The following BRINP3 variants were observed in gnomAD, a reference collection of about 807,000 sequenced individuals.
BRINP3 encodes BMP/retinoic acid-inducible neural-specific protein 3.
A neutral mutation model predicts 71.0 loss-of-function variants in BRINP3; 19 were observed. The observed-to-expected ratio is 0.27, with a 90% CI of 0.19 to 0.39. The LOEUF is 0.39. Ranked by LOEUF, BRINP3 falls within the 10% of genes least tolerant of loss-of-function variation. The pLI, the probability that BRINP3 is intolerant of heterozygous loss-of-function variation, is 1.00. For missense variants in BRINP3, 959 were observed against 940.8 expected, an observed-to-expected ratio of 1.02 and a Z score of -0.25; for synonymous variants, 380 against 337.7, an observed-to-expected ratio of 1.13 and a Z score of -1.37.
chr1:190,404,862 TGA>T (rs1672159171), intron 2 of BRINP3, among the ~76,000 whole-genome samples: 1 of 152,212 alleles, frequency 6.6e-6, no homozygotes, highest in South Asian at 2.1e-4. Context: ...TCTATGAGAT[TGA>T]GTTTTATTAA....
chr1:190,378,998 T>G (rs1670351544), intron 2 of BRINP3, among the ~76,000 whole-genome samples: 1 of 152,188 alleles, frequency 6.6e-6, no homozygotes, highest in Non-Finnish European at 1.5e-5. Flanking sequence ...TCTCACGTCT[T>G]CCTTCAGCAT....
At chr1:190,465,831 T>C (rs1205344083) in intron 1 of BRINP3, among the ~76,000 whole-genome samples, 1 of 151,716 alleles carries the variant, frequency 6.6e-6, no homozygotes, top group African/African-American at 2.4e-5. Context: ...AGAAAATGTA[T>C]GACAATTAAT....
At chr1:190,382,541 C>A (rs200965788) in intron 2 of BRINP3, among the ~76,000 whole-genome samples, 1 of 152,026 alleles carries the variant, frequency 6.6e-6, no homozygotes, top group African/African-American at 2.4e-5. Flanking sequence ...GTGAGGAAAA[C>A]GGACACTCAT....
intron 2 of BRINP3, among the ~76,000 whole-genome samples, chr1:190,443,878 A>C (rs191319859): frequency 6.6e-6 from 1 of 152,278 alleles, no homozygotes; most frequent in Admixed American, 6.5e-5. Context: ...TGAATTAAGC[A>C]AGCTTCATTC....
intron 6 of BRINP3, among the ~76,000 whole-genome samples, chr1:190,198,028 T>C (rs563820826): frequency 7.9e-5 from 12 of 152,304 alleles, no homozygotes; most frequent in Non-Finnish European, 1.5e-4. Context: ...ACCTCAGTTC[T>C]TGACTCTGTG....
intron 2 of BRINP3, among the ~76,000 whole-genome samples, chr1:190,378,003 T>C (rs909673429): frequency 1.3e-5 from 2 of 152,088 alleles, no homozygotes; most frequent in Admixed American, 1.3e-4. Context: ...ACAGCATTTT[T>C]GCAAACATAT....
intron 6 of BRINP3, among the ~76,000 whole-genome samples, chr1:190,220,726 A>G (rs779753916): frequency 2.0e-5 from 3 of 152,126 alleles, no homozygotes; most frequent in Non-Finnish European, 4.4e-5. Flanking sequence ...CAAATAAACA[A>G]AAATGGAGAG....
rs572648446 is a variant in BRINP3, at chr1:190,268,893, A to AT, written c.428-3839dup. On this transcript the variant is annotated intron_variant, in intron 3 of 7. Transcript: ENST00000367462. ...TAGACCTTATTAAATGACATGATCGATTTTTTCTTGAGCATAAATATTCAA... is the reference window on the plus strand; with the variant it reads ...TAGACCTTATTAAATGACATGATCGATTTTTTTCTTGAGCATAAATATTCAA... Among the ~76,000 whole-genome samples, 447 of 152,178 alleles carry AT rather than the reference A, an allele frequency of 2.9e-3. 2 individuals carry two copies. Among genetic ancestry groups the AT allele is most frequent in the Non-Finnish European group, 5.2e-3 (353 of 67,968 alleles).
chr1:190,151,155 AG>A (rs1248112696), intron 7 of BRINP3, among the ~76,000 whole-genome samples: 9 of 152,300 alleles, frequency 5.9e-5, no homozygotes, highest in African/African-American at 2.2e-4. Context: ...TCAAAAAAAA[AG>A]AAAAAAGAAA....
chr1:190,389,280 A>T (rs369786067), intron 2 of BRINP3, among the ~76,000 whole-genome samples: 2 of 151,830 alleles, frequency 1.3e-5, no homozygotes, highest in East Asian at 1.9e-4. Context: ...CATCCAATCT[A>T]TTCCCTCCAT....
At chr1:190,453,227 T>TTTTTTTTTTTTG in intron 2 of BRINP3, among the ~76,000 whole-genome samples, 1 of 108,126 alleles carries the variant, frequency 9.2e-6, no homozygotes. Flanking sequence ...TTTTTTTTTT[T>TTTTTTTTTTTTG]TTTTTTTTTT....
chr1:190,261,596 A>G (rs1347511835), intron 4 of BRINP3, among the ~76,000 whole-genome samples: 2 of 152,088 alleles, frequency 1.3e-5, no homozygotes, highest in East Asian at 3.9e-4. Flanking sequence ...TGTAGATCTA[A>G]TTATATTTTT....
chr1:190,275,767 A>G (rs74418279), intron 3 of BRINP3, among the ~76,000 whole-genome samples: 2,338 of 151,780 alleles, frequency 0.015, 77 homozygotes, highest in African/African-American at 0.053. Flanking sequence ...TGCCACGAAC[A>G]CCTTTACTAA....
In BRINP3 at chr1:190,215,559, A is replaced by T. The variant is rs186982174; in HGVS notation, c.961+10523T>A. Among the ~76,000 whole-genome samples the T allele has an allele frequency of 5.0e-3, 759 of 152,104 alleles. 6 individuals are homozygous for T. Among genetic ancestry groups the T allele is most frequent in the African/African-American group, 0.017 (706 of 41,578 alleles). ...AAAATTAATAGTTTACATAAAATTT[A>T]AAAAAATTTATTTTTTCTTGCAAAA... On this transcript the variant is annotated intron_variant, in intron 6 of 7. Transcript: ENST00000367462.
chr1:190,235,397 T>C (rs1206937900), intron 4 of BRINP3, among the ~76,000 whole-genome samples: 1 of 152,050 alleles, frequency 6.6e-6, no homozygotes, highest in Non-Finnish European at 1.5e-5. Flanking sequence ...AGCAGTATTG[T>C]CAGAATCTTC....
intron 2 of BRINP3, among the ~76,000 whole-genome samples, chr1:190,327,202 C>G (rs529038987): frequency 2.0e-5 from 3 of 150,158 alleles, no homozygotes; most frequent in Non-Finnish European, 4.4e-5. Context: ...GTAATCCCGG[C>G]TACTTGGAAG....
rs188359915 is a variant in BRINP3 at position 190,450,643 on chromosome 1, T to A, written c.236+4012A>T. Reference sequence around the variant, plus strand: ...ACTTGTATTTTAATTCTTAATAACTTGTACTTAAATGGATTCTTATGTATC... The same window carrying A: ...ACTTGTATTTTAATTCTTAATAACTAGTACTTAAATGGATTCTTATGTATC... On this transcript the variant is annotated intron_variant, in intron 2 of 7. Coordinates refer to ENST00000367462, the MANE Select transcript of BRINP3 (RefSeq NM_199051.3). 1.9e-3 allele frequency among the ~76,000 whole-genome samples: 287 copies of A among 152,234 alleles called. 5 individuals are homozygous for A. The Middle Eastern group carries it at 0.031, about 16-fold the overall frequency.
chr1:190,124,177 C>G (rs1041218959), intron 7 of BRINP3, among the ~76,000 whole-genome samples: 2 of 152,132 alleles, frequency 1.3e-5, no homozygotes, highest in Non-Finnish European at 2.9e-5. Flanking sequence ...TCACAGGAGT[C>G]GTCTGATCCT....
intron 7 of BRINP3, among the ~76,000 whole-genome samples, chr1:190,131,060 T>C (rs1406726960): frequency 6.6e-6 from 1 of 151,674 alleles, no homozygotes; most frequent in Non-Finnish European, 1.5e-5. Context: ...GTCTATTTGT[T>C]CTATCAGCTT....
Sources: allele counts gnomAD v4.1 joint callset (sites outside exome capture counted in the v4.1 genomes callset), GRCh38; gene constraint gnomAD v4.1.1; transcripts MANE v1.5; gene names NCBI Gene and HGNC (gene_info 2026-07-23, HGNC 2026-07-21).